The following VSTM4 variants were observed in gnomAD, a reference collection of about 807,000 sequenced individuals.
VSTM4 encodes V-set and transmembrane domain containing 4, also known as V-set and transmembrane domain-containing protein 4.
In VSTM4, 20 loss-of-function variants were observed where a neutral mutation model predicts 36.4. That is an observed-to-expected ratio of 0.55 (90% confidence interval 0.39 to 0.80). The LOEUF is 0.80. Ranked by LOEUF, VSTM4 falls within the 30% of genes least tolerant of loss-of-function variation. The pLI is 0.00. For missense variants in VSTM4, 392 were observed against 404.5 expected (o/e 0.97, Z 0.26); for synonymous variants, 182 against 173.9 (o/e 1.05, Z -0.37).
intron 5 of VSTM4, among the ~76,000 whole-genome samples, chr10:49,055,803 G>A (rs1835883352): frequency 1.3e-5 from 2 of 152,236 alleles, no homozygotes; most frequent in Admixed American, 1.3e-4. Context: ...TGGGTGACAT[G>A]AGCCAACCAC....
intron 2 of VSTM4, among the ~76,000 whole-genome samples, chr10:49,092,704 A>T (rs1480223541): frequency 6.6e-6 from 1 of 151,994 alleles, no homozygotes; most frequent in Non-Finnish European, 1.5e-5. Context: ...TCCCAAGACC[A>T]CTCTGGCCTG....
intron 1 of VSTM4, among the ~76,000 whole-genome samples, chr10:49,111,548 T>G (rs1468405367): frequency 6.6e-6 from 1 of 152,206 alleles, no homozygotes; most frequent in African/African-American, 2.4e-5. Context: ...CTCCCTCTCC[T>G]GGCCTAGGAA....
At chr10:49,044,330 AAAAG>A (rs1564571356) in intron 7 of VSTM4, among the ~76,000 whole-genome samples, 1 of 152,000 alleles carries the variant, frequency 6.6e-6, no homozygotes, top group African/African-American at 2.4e-5. Context: ...TCTGCCTCAG[AAAAG>A]AAAGAAGAAA....
intron 5 of VSTM4, 120 bp from the exon 6 acceptor site, chr10:49,048,704 G>C: frequency 1.3e-6 from 1 of 775,084 alleles, no homozygotes; most frequent in Non-Finnish European, 2.0e-6. Flanking sequence ...ACCTGTGTAA[G>C]GGAAGGTTAT....
chr10:49,030,685 T>C (rs1290668408), intron 7 of VSTM4, among the ~76,000 whole-genome samples: 1 of 152,196 alleles, frequency 6.6e-6, no homozygotes, highest in Non-Finnish European at 1.5e-5. Context: ...ACACAGGATG[T>C]TCAGCAAAGT....
At chr10:49,110,712 A>G (rs1408624477) in intron 1 of VSTM4, among the ~76,000 whole-genome samples, 4 of 152,106 alleles carry the variant, frequency 2.6e-5, no homozygotes. Context: ...CAAACACCAC[A>G]GAGGGAAGAC....
At chr10:49,083,955 T>C (rs1844325472) in intron 3 of VSTM4, among the ~76,000 whole-genome samples, 1 of 152,176 alleles carries the variant, frequency 6.6e-6, no homozygotes, top group Non-Finnish European at 1.5e-5. Flanking sequence ...TGGAAGATTC[T>C]GATGCATCTG....
chr10:49,044,301 T>C (rs1397599644), intron 7 of VSTM4, among the ~76,000 whole-genome samples: 1 of 150,578 alleles, frequency 6.6e-6, no homozygotes, highest in Non-Finnish European at 1.5e-5. Flanking sequence ...GCATTCCAGC[T>C]TGGGTGACAG....
intron 7 of VSTM4, among the ~76,000 whole-genome samples, chr10:49,040,182 C>T (rs117507412): frequency 0.011 from 1,700 of 152,272 alleles, 46 homozygotes; most frequent in South Asian, 0.056. Context: ...ATCTGATTAG[C>T]AGAACTTTGA....
chr10:49,067,453 A>G (rs2131980982), intron 4 of VSTM4, among the ~76,000 whole-genome samples: 1 of 152,348 alleles, frequency 6.6e-6, no homozygotes, highest in Middle Eastern at 3.4e-3. Flanking sequence ...TCAGAATGTG[A>G]CTGTATTTGG....
At chr10:49,068,020 T>G (rs972556998) in intron 4 of VSTM4, among the ~76,000 whole-genome samples, 1 of 152,258 alleles carries the variant, frequency 6.6e-6, no homozygotes, top group African/African-American at 2.4e-5. Flanking sequence ...ACCATTGTTA[T>G]GTTTTTTTCA....
intron 2 of VSTM4, 83 bp from the exon 3 acceptor site, chr10:49,086,106 C>G (rs1844366751): frequency 1.1e-6 from 1 of 879,382 alleles, no homozygotes; most frequent in African/African-American, 1.7e-5. Flanking sequence ...AAAGCAATTT[C>G]TACATTTGCA....
At chr10:49,071,682 C>T (rs568478790) in intron 4 of VSTM4, among the ~76,000 whole-genome samples, 7 of 152,290 alleles carry the variant, frequency 4.6e-5, no homozygotes, top group Admixed American at 2.6e-4. Flanking sequence ...GGGTTGCATC[C>T]GGAGTGGGAC....
At chr10:49,045,923 G>A (rs1333073887) in intron 7 of VSTM4, among the ~76,000 whole-genome samples, 1 of 152,174 alleles carries the variant, frequency 6.6e-6, no homozygotes, top group Non-Finnish European at 1.5e-5. Context: ...CAGGTGTCAA[G>A]GGAGGGAAGT....
intron 7 of VSTM4, among the ~76,000 whole-genome samples, chr10:49,037,229 G>A (rs1843444737): frequency 6.6e-6 from 1 of 152,210 alleles, no homozygotes; most frequent in African/African-American, 2.4e-5. Context: ...GGGTGGCAGC[G>A]GCTCTGGATC....
At chr10:49,092,519 A>C (rs150408590) in intron 2 of VSTM4, among the ~76,000 whole-genome samples, 2 of 152,320 alleles carry the variant, frequency 1.3e-5, no homozygotes, top group African/African-American at 4.8e-5. Flanking sequence ...ATCCTGCCAC[A>C]GAAGTGTTAT....
At chr10:49,050,835 A>G (rs930116349) in intron 5 of VSTM4, among the ~76,000 whole-genome samples, 1 of 152,230 alleles carries the variant, frequency 6.6e-6, no homozygotes, top group Non-Finnish European at 1.5e-5. Context: ...TAACCAAAAC[A>G]CAATCTTCAT....
chr10:49,082,981 G>A (rs1477338549), intron 3 of VSTM4, among the ~76,000 whole-genome samples: 1 of 152,202 alleles, frequency 6.6e-6, no homozygotes, highest in Non-Finnish European at 1.5e-5. Flanking sequence ...CCAAGCCAGG[G>A]CCAGGCAGAT....
intron 3 of VSTM4, among the ~76,000 whole-genome samples, chr10:49,084,825 G>A (rs532408930): frequency 1.4e-3 from 209 of 152,096 alleles, no homozygotes; most frequent in Non-Finnish European, 2.4e-3. Context: ...TAATTTCTCC[G>A]AACTTTCCTT....
Sources: gnomAD v4.1 joint callset for allele counts (sites outside exome capture counted in the v4.1 genomes callset) on GRCh38, gnomAD v4.1.1 for gene constraint, MANE v1.5 for transcripts, NCBI Gene and HGNC (gene_info 2026-07-23, HGNC 2026-07-21) for gene names.